KANSL1: variants seen among roughly 807,000 people sequenced by gnomAD.
KANSL1 encodes MLL1/MLL complex subunit KANSL1.
In KANSL1, 22 loss-of-function variants were observed where a neutral mutation model predicts 103.6. The ratio of observed to expected loss-of-function variants is 0.21; its 90% CI spans 0.15 to 0.30. The LOEUF is 0.30. KANSL1 is among the 10% of genes least tolerant of loss of function. KANSL1 has a pLI of 1.00. For missense variants in KANSL1, 1,337 were observed against 1,399.8 expected, an observed-to-expected ratio of 0.96 and a Z score of 0.72; for synonymous variants, 600 against 527.6, an observed-to-expected ratio of 1.14 and a Z score of -1.88.
chr17:46,114,236 G>A (rs1018611922), intron 2 of KANSL1, among the ~76,000 whole-genome samples: 2 of 152,166 alleles, frequency 1.3e-5, no homozygotes, highest in Non-Finnish European at 2.9e-5. Flanking sequence ...GCAGGCGCCT[G>A]TTGTCCCAGC....
chr17:46,152,621 C>G (rs1291985986), intron 2 of KANSL1, among the ~76,000 whole-genome samples: 1 of 150,496 alleles, frequency 6.6e-6, no homozygotes, highest in Non-Finnish European at 1.5e-5. Flanking sequence ...TAGATCATGT[C>G]AAAAGGGTTT....
rs372105764 is a variant in KANSL1 at position 46,211,496 on chromosome 17, T to C, written c.-90+12175A>G. On this transcript the variant is annotated intron_variant, in intron 1 of 14. Coordinates refer to the KANSL1 transcript ENST00000572904. ...TGGGCCGCATGCAGCCTGTGGGCCA[T>C]GGGTCGGACAAGCTTGCTGTAAATA... is the stretch of plus-strand genomic sequence containing the variant. Among the ~76,000 whole-genome samples, 4 of 152,262 alleles carry C rather than the reference T, an allele frequency of 2.6e-5. No individual in the cohort carries two copies. The East Asian group carries it at 7.7e-4, about 29-fold the overall frequency.
intron 1 of KANSL1, among the ~76,000 whole-genome samples, chr17:46,213,484 T>A (rs78826239): frequency 0.066 from 9,947 of 150,406 alleles, no homozygotes; most frequent in Non-Finnish European, 0.099. Context: ...TTTTTTTTTT[T>A]TTTTTAGTAG....
chr17:46,155,121 C>T (rs968444689), intron 2 of KANSL1, among the ~76,000 whole-genome samples: 2 of 150,236 alleles, frequency 1.3e-5, no homozygotes, highest in Non-Finnish European at 2.9e-5. Flanking sequence ...AAGATAGGTA[C>T]AGGAGGCCCT....
chr17:46,120,649 T>C (rs188519031), intron 2 of KANSL1, among the ~76,000 whole-genome samples: 1 of 152,262 alleles, frequency 6.6e-6, no homozygotes, highest in East Asian at 1.9e-4. Context: ...TTAAAGTAAT[T>C]TGAGGTTTAA....
At chr17:46,199,917 C>G (rs1352412092) in intron 1 of KANSL1, among the ~76,000 whole-genome samples, 2 of 152,186 alleles carry the variant, frequency 1.3e-5, no homozygotes, top group Non-Finnish European at 2.9e-5. Flanking sequence ...AATCTAACAC[C>G]CAAGATTGTT....
At chr17:46,157,938 A>C (rs1220260635) in intron 2 of KANSL1, among the ~76,000 whole-genome samples, 1 of 152,254 alleles carries the variant, frequency 6.6e-6, no homozygotes, top group Non-Finnish European at 1.5e-5. Context: ...AAAAAGAAAA[A>C]CATTTTCGCC....
At chr17:46,126,946 A>G (rs973867062) in intron 2 of KANSL1, among the ~76,000 whole-genome samples, 6 of 152,248 alleles carry the variant, frequency 3.9e-5, no homozygotes, top group South Asian at 4.1e-4. Context: ...AGTAACATCC[A>G]GCTGGATTAT....
intron 2 of KANSL1, among the ~76,000 whole-genome samples, chr17:46,130,489 G>A (rs1489903054): frequency 1.3e-5 from 2 of 152,218 alleles, no homozygotes; most frequent in Non-Finnish European, 2.9e-5. Context: ...TTGGAGCACA[G>A]ATAAAAGGAC....
chr17:46,038,705 AAG>A lies in KANSL1; in HGVS notation c.2393-21_2393-20del. The A allele has an allele frequency of 1.2e-6, 2 of 1,613,912 alleles. No homozygotes were observed. The highest frequency in any genetic ancestry group is 8.5e-7 in the Non-Finnish European group (1 of 1,179,928). On this transcript the variant is annotated intron_variant, in intron 9 of 14. Coordinates refer to ENST00000432791, the MANE Select transcript of KANSL1 (RefSeq NM_015443.4). ...TTCAACACTGCAGAAGTCAACAGAA[AAG>A]AGAGAAATACATGGCTATCTTAACC... is the stretch of plus-strand genomic sequence containing the variant.
chr17:46,106,849 GAATA>G (rs2042589002), intron 2 of KANSL1, among the ~76,000 whole-genome samples: 1 of 138,798 alleles, frequency 7.2e-6, no homozygotes, highest in Non-Finnish European at 1.7e-5. Flanking sequence ...ACAAAAAAGT[GAATA>G]AATAGAAGAA....
intron 6 of KANSL1, among the ~76,000 whole-genome samples, chr17:46,060,366 C>T (rs2078114172): frequency 6.6e-6 from 1 of 152,206 alleles, no homozygotes; most frequent in Non-Finnish European, 1.5e-5. Context: ...CTTGAAGATC[C>T]ATCAGAGTGA....
intron 2 of KANSL1, among the ~76,000 whole-genome samples, chr17:46,120,508 G>C (rs1298538175): frequency 6.6e-6 from 1 of 152,200 alleles, no homozygotes; most frequent in Non-Finnish European, 1.5e-5. Flanking sequence ...TCAGAAACAA[G>C]TGGGAGCGAG....
At chr17:46,161,832 G>A (rs1307297915) in intron 2 of KANSL1, among the ~76,000 whole-genome samples, 1 of 151,748 alleles carries the variant, frequency 6.6e-6, no homozygotes. Flanking sequence ...TAATCTACAT[G>A]ATTACTACAA....
At chr17:46,143,803 C>CAAAAA (rs57361021) in intron 2 of KANSL1, among the ~76,000 whole-genome samples, 37 of 85,502 alleles carry the variant, frequency 4.3e-4, no homozygotes, top group South Asian at 1.2e-3. Flanking sequence ...GACTCCATCT[C>CAAAAA]AAAAAAAAAA....
chr17:46,132,448 G>A (rs188512349), intron 2 of KANSL1, among the ~76,000 whole-genome samples: 15 of 152,204 alleles, frequency 9.9e-5, no homozygotes, highest in East Asian at 5.8e-4. Context: ...TTTTCCAGTC[G>A]AATAGTTCTC....
At chr17:46,072,172 G>T (rs557403345) in intron 4 of KANSL1, among the ~76,000 whole-genome samples, 1 of 152,062 alleles carries the variant, frequency 6.6e-6, no homozygotes, top group Non-Finnish European at 1.5e-5. Flanking sequence ...TACGGGGGTC[G>T]TTTTTTCTAG....
At chr17:46,214,361 C>A (rs376558786) in intron 1 of KANSL1, among the ~76,000 whole-genome samples, 1 of 152,134 alleles carries the variant, frequency 6.6e-6, no homozygotes, top group Non-Finnish European at 1.5e-5. Flanking sequence ...CCATCAAGAG[C>A]AAGCAGTGAT....
At chr17:46,066,455 A>C in intron 6 of KANSL1, 82 bp downstream of exon 6, 1 of 1,300,300 alleles carries the variant, frequency 7.7e-7, no homozygotes, top group Non-Finnish European at 1.0e-6. Flanking sequence ...AAGTTTAGAA[A>C]ACACCAAAGT....
Sources: gnomAD v4.1 joint callset for allele counts (sites outside exome capture counted in the v4.1 genomes callset) on GRCh38, gnomAD v4.1.1 for gene constraint, MANE v1.5 for transcripts, NCBI Gene and HGNC (gene_info 2026-07-23, HGNC 2026-07-21) for gene names.